The following ZNF441 variants were observed in gnomAD, a reference collection of about 807,000 sequenced individuals.
ZNF441 encodes the protein zinc finger protein 441.
In ZNF441, 25 loss-of-function variants were observed where a neutral mutation model predicts 64.5. The observed-to-expected ratio is 0.39, with a 90% CI of 0.28 to 0.54. The LOEUF is 0.54. Among genes scored for constraint, ZNF441 ranks in the 20% least tolerant of loss-of-function variants. ZNF441 has a pLI of 0.70. For missense variants in ZNF441, 715 were observed against 843.3 expected, an observed-to-expected ratio of 0.85 and a Z score of 1.88; for synonymous variants, 262 against 268.0, an observed-to-expected ratio of 0.98 and a Z score of 0.22.
At chr19:11,768,104 TG>T (rs1213408963) in intron 1 of ZNF441, among the ~76,000 whole-genome samples, 1 of 152,130 alleles carries the variant, frequency 6.6e-6, no homozygotes, top group Non-Finnish European at 1.5e-5. Flanking sequence ...CTTCCAAAGA[TG>T]TGGGCAGCAG....
At chr19:11,777,767 C>T (rs1208837123) in intron 2 of ZNF441, 30 bp downstream of exon 2, 1 of 1,586,944 alleles carries the variant, frequency 6.3e-7, no homozygotes, top group Non-Finnish European at 8.5e-7. Context: ...TTCACTTAGT[C>T]AATTAGAGAC....
chr19:11,772,236 A>G (rs1975320040), intron 1 of ZNF441, among the ~76,000 whole-genome samples: 1 of 152,070 alleles, frequency 6.6e-6, no homozygotes, highest in Admixed American at 6.6e-5. Context: ...TAACAGTGCA[A>G]CCAGACATTT....
Position 11,782,021 on chromosome 19 carries a change from A to C in ZNF441, c.*115A>C, listed in dbSNP as rs1003902843. 1.2e-6 allele frequency: 1 copy of C among 822,484 alleles called. No homozygotes were observed. Among genetic ancestry groups the C allele is most frequent in the African/African-American group, 1.7e-5 (1 of 58,344 alleles). 50.9% of individuals were successfully genotyped at this position (822,484 alleles called of 1,614,324 possible). A position where few individuals can be genotyped will look rare whatever the true frequency, so the allele number is the denominator to read the frequency against. ...TTGTATGAATATAAAAATGTACTAA[A>C]ACCTTCCATTTTTTTCAGTACCTTT... On this transcript the variant is annotated 3_prime_UTR_variant, in exon 4 of 4. Coordinates refer to ENST00000357901, the MANE Select transcript of ZNF441 (RefSeq NM_152355.3).
chr19:11,780,481 T>G lies in ZNF441; in HGVS notation c.657T>G (p.Thr219=). The change falls in exon 4 of 4, where the codon ACT becomes ACG. Residue 219 remains threonine (T), a synonymous_variant. Transcript: ENST00000357901. ...TTCATATGCTTAGAAGAACTCACAC[T>G]GAAGAGAAACCATATGAATATGAGC... ...SLFHMLRRTH[T]EEKPYEYEQC... is the part of the protein sequence containing the mutation. 6.2e-7 allele frequency: 1 copy of G among 1,614,188 alleles called. No individual in the cohort carries two copies. The highest frequency in any genetic ancestry group is 1.1e-5 in the South Asian group (1 of 91,086).
At chr19:11,775,824 C>T (rs1215950092) in intron 1 of ZNF441, among the ~76,000 whole-genome samples, 5 of 151,402 alleles carry the variant, frequency 3.3e-5, no homozygotes, top group Non-Finnish European at 7.4e-5. Flanking sequence ...GACGGGGTTT[C>T]GACATGTTGA....
intron 1 of ZNF441, among the ~76,000 whole-genome samples, chr19:11,775,504 T>C (rs541673276): frequency 4.4e-4 from 67 of 152,082 alleles, no homozygotes; most frequent in African/African-American, 1.6e-3. Flanking sequence ...TAATTTTTTG[T>C]ATTTTTAGTA....
At position 11,780,513 on chromosome 19, in the gene ZNF441, C is replaced by A. The variant is rs1975392478; in HGVS notation, c.689C>A (p.Ser230Tyr). Residue 230 changes from serine (S) to tyrosine (Y), a missense_variant, in exon 4 of 4, where the codon TCT (serine) becomes TAT (tyrosine). Physicochemically the swap from Ser to Tyr is moderately radical, Grantham distance 144 (BLOSUM62 -2). Coordinates refer to ENST00000357901, the MANE Select transcript of ZNF441 (RefSeq NM_152355.3). ...EEKPYEYEQC[S>Y]TAFPAYSSTL... The stretch of plus-strand genomic sequence containing the variant: ...AAACCATATGAATATGAGCAGTGTT[C>A]TACAGCGTTTCCTGCTTATAGTTCC... The A allele has an allele frequency of 6.2e-7, 1 of 1,613,930 alleles. No individual in the cohort carries two copies. Among genetic ancestry groups the A allele is most frequent in the Non-Finnish European group, 8.5e-7 (1 of 1,180,004 alleles).
intron 3 of ZNF441, among the ~76,000 whole-genome samples, chr19:11,778,995 A>T (rs773686671): frequency 2.0e-5 from 3 of 148,034 alleles, no homozygotes; most frequent in Non-Finnish European, 3.0e-5. Context: ...CAAAGAGGGC[A>T]TGAGACCTAC....
In ZNF441 at chr19:11,781,235, G is replaced by T. The variant is rs1407290117; in HGVS notation, c.1411G>T (p.Gly471Ter). The T allele has an allele frequency of 1.2e-6, 2 of 1,613,600 alleles. No homozygotes were observed. Among genetic ancestry groups the T allele is most frequent in the Non-Finnish European group, 1.7e-6 (2 of 1,179,958 alleles). The change falls in exon 4 of 4, where the codon GGA (glycine) becomes TGA (stop). Residue 471 changes from glycine (G) to a stop codon, truncating the protein, a stop_gained. Transcript: ENST00000357901. LOFTEE classifies it high-confidence loss of function. Reference sequence around the variant, plus strand: ...TCGAGTACATGAAAAGACTCACACTGGAGAAAAGCCCTATGAATGTAAGCA... The same window carrying T: ...TCGAGTACATGAAAAGACTCACACTTGAGAAAAGCCCTATGAATGTAAGCA... ...YIRVHEKTHT[G>*]EKPYECKQCG... is the part of the protein sequence containing the mutation.
At chr19:11,768,545 G>A (rs186903639) in intron 1 of ZNF441, among the ~76,000 whole-genome samples, 10 of 152,146 alleles carry the variant, frequency 6.6e-5, no homozygotes, top group Non-Finnish European at 1.5e-4. Flanking sequence ...TGGTTTCCTG[G>A]TCCTGGGTTT....
Position 11,780,996 on chromosome 19 carries a change from C to T in ZNF441, c.1172C>T (p.Pro391Leu). Residue 391 changes from proline to leucine, a missense_variant, in exon 4 of 4, where the codon CCC (proline) becomes CTC (leucine). Pro to Leu is a moderately conservative substitution (Grantham distance 98, BLOSUM62 -3). Transcript: ENST00000357901. The part of the protein sequence containing the change: ...RHETTHTGEK[P>L]YKCECGKAFS... Reference sequence around the variant, plus strand: ...GAAACAACTCATACTGGGGAGAAACCCTATAAATGTGAATGTGGGAAAGCC... The same window carrying T: ...GAAACAACTCATACTGGGGAGAAACTCTATAAATGTGAATGTGGGAAAGCC... The T allele has an allele frequency of 6.2e-7, 1 of 1,612,890 alleles. No individual in the cohort carries two copies. The highest frequency in any genetic ancestry group is 8.5e-7 in the Non-Finnish European group (1 of 1,179,734).
In ZNF441 at chr19:11,780,237, A is replaced by G. The variant is rs200042491; in HGVS notation, c.413A>G (p.Glu138Gly). The G allele has an allele frequency of 1.2e-6, 2 of 1,614,128 alleles. No homozygotes were observed. Among genetic ancestry groups the G allele is most frequent in the East Asian group, 2.2e-5 (1 of 44,882 alleles). The change falls in exon 4 of 4, where the codon GAG (glutamate) becomes GGG (glycine). Residue 138 changes from glutamate to glycine, a missense_variant. Physicochemically the swap from Glu to Gly is moderately conservative, Grantham distance 98 (BLOSUM62 -2). This residue lies in a region of ZNF441 where 399 missense variants were observed against 413.9 expected (regional missense o/e 0.96). Coordinates refer to ENST00000357901, the MANE Select transcript of ZNF441 (RefSeq NM_152355.3). ...CCATGTGAGTATCAAGAATATGGAG[A>G]GAAGCCATATACACATACACAATGT... ...HKPCEYQEYG[E>G]KPYTHTQCGT...
In ZNF441 at chr19:11,783,466, T is replaced by A. The variant is rs1043288440; in HGVS notation, c.*1560T>A. 2.0e-5 allele frequency: 3 copies of A among 152,182 alleles called. No homozygotes were observed. The highest frequency in any genetic ancestry group is 6.5e-5 in the Admixed American group (1 of 15,280). The allele number at this position is 152,182 out of a possible 1,614,324, so 9.4% of individuals were successfully genotyped here. ...AGAAATCAGTATATCAAAGAGATAC[T>A]TGCACTTGCATATTTATCACAGCAC... On this transcript the variant is annotated 3_prime_UTR_variant, in exon 4 of 4. Transcript: ENST00000357901.
rs192048670 is a variant in ZNF441, at chr19:11,777,156, C to A, written c.4-455C>A. Among the ~76,000 whole-genome samples, 13 of 152,162 alleles carry A rather than the reference C, an allele frequency of 8.5e-5. No individual in the cohort carries two copies. In the East Asian group the frequency reaches 2.3e-3, roughly 27 times the overall value. ...TTAGTCTGTTTTTTGTTGCTTATAA[C>A]AGAATACTTTAACCTGGGTAATTTA... On this transcript the variant is annotated intron_variant, in intron 1 of 3. Transcript: ENST00000357901.
chr19:11,771,816 C>T (rs560211451), intron 1 of ZNF441, among the ~76,000 whole-genome samples: 94 of 152,326 alleles, frequency 6.2e-4, no homozygotes, highest in Non-Finnish European at 9.6e-4. Flanking sequence ...CTTAGCAGAC[C>T]GGGAAAGGGA....
rs868408209 is a variant in ZNF441, at chr19:11,780,962, C to T, written c.1138C>T (p.Arg380Ter). The T allele has an allele frequency of 5.0e-6, 8 of 1,613,180 alleles. No homozygotes were observed. The highest frequency in any genetic ancestry group is 2.2e-5 in the East Asian group (1 of 44,724). ...GKAFDSPSLC[R>*]RHETTHTGEK... Reference sequence around the variant, plus strand: ...AGCCTTTGATTCTCCCAGTTTATGTCGAAGGCATGAAACAACTCATACTGG... The same window carrying T: ...AGCCTTTGATTCTCCCAGTTTATGTTGAAGGCATGAAACAACTCATACTGG... Residue 380 changes from arginine (R) to a stop codon, truncating the protein, a stop_gained, in exon 4 of 4, where the codon CGA (arginine) becomes TGA (stop). Transcript: ENST00000357901. LOFTEE classifies it high-confidence loss of function.
chr19:11,771,832 C>T (rs867171327), intron 1 of ZNF441, among the ~76,000 whole-genome samples: 1 of 152,226 alleles, frequency 6.6e-6, no homozygotes, highest in African/African-American at 2.4e-5. Context: ...AGGGAGTCTC[C>T]TTTTCCCCGG....
At chr19:11,772,646 C>T (rs924991157) in intron 1 of ZNF441, among the ~76,000 whole-genome samples, 2 of 152,168 alleles carry the variant, frequency 1.3e-5, no homozygotes, top group African/African-American at 4.8e-5. Flanking sequence ...CCAAGATTGG[C>T]AGACTGCTTG....
At chr19:11,771,606 A>T (rs944315772) in intron 1 of ZNF441, among the ~76,000 whole-genome samples, 2 of 152,222 alleles carry the variant, frequency 1.3e-5, no homozygotes, top group Non-Finnish European at 2.9e-5. Context: ...TAACCTACGA[A>T]AAACCAGGCC....
Sources: allele counts gnomAD v4.1 joint callset (sites outside exome capture counted in the v4.1 genomes callset), GRCh38; gene constraint gnomAD v4.1.1; regional missense constraint gnomAD v4.1.1; transcripts MANE v1.5; gene names NCBI Gene and HGNC (gene_info 2026-07-23, HGNC 2026-07-21).